Variants in GATB observed in about 807,000 individuals in gnomAD.
The protein encoded by GATB is glutamyl-tRNA(Gln) amidotransferase subunit B, mitochondrial.
GATB carries 39 observed loss-of-function variants against 62.3 expected under a neutral mutation model. The ratio of observed to expected loss-of-function variants is 0.63; its 90% CI spans 0.48 to 0.82. The LOEUF (loss-of-function observed/expected upper bound fraction) is 0.82, where lower values mean the gene tolerates loss of function less well. GATB is among the 40% of genes least tolerant of loss of function. The pLI, the probability that GATB is intolerant of heterozygous loss-of-function variation, is 0.00. For missense variants in GATB, 670 were observed against 684.0 expected (o/e 0.98, Z 0.23); for synonymous variants, 276 against 258.9 (o/e 1.07, Z -0.63).
intron 5 of GATB, among the ~76,000 whole-genome samples, 154 bp downstream of exon 5, chr4:151,715,852 AAAC>A (rs565097850): frequency 4.6e-5 from 7 of 152,306 alleles, no homozygotes; most frequent in Non-Finnish European, 7.4e-5. Context: ...ACAAACAAAC[AAAC>A]AACAACAACA....
chr4:151,702,929 A>G (rs1031019626), intron 8 of GATB, among the ~76,000 whole-genome samples: 2 of 152,174 alleles, frequency 1.3e-5, no homozygotes, highest in African/African-American at 4.8e-5. Flanking sequence ...GAGGAAACCC[A>G]GGGGAAGCTT....
At chr4:151,671,955 A>G (rs992770769) in intron 12 of GATB, among the ~76,000 whole-genome samples, 1 of 152,206 alleles carries the variant, frequency 6.6e-6, no homozygotes, top group Non-Finnish European at 1.5e-5. Flanking sequence ...CAAGTGCCAC[A>G]GAACAAGCCT....
In GATB at chr4:151,705,266, T is replaced by C. The variant is rs79384184; in HGVS notation, c.881A>G (p.Tyr294Cys). Reference protein sequence around the residue: ...SIRFLAKAIDYEIQRQINELE... With the variant: ...SIRFLAKAIDCEIQRQINELE... ...TTCATTGATTTGCCTCTGAATTTCATAGTCTAGGAAAAACACACTAATTTA... is the reference window on the plus strand; with the variant it reads ...TTCATTGATTTGCCTCTGAATTTCACAGTCTAGGAAAAACACACTAATTTA... The change falls in exon 7 of 13, where the codon TAT becomes TGT. Residue 294 changes from tyrosine to cysteine, a missense_variant. Transcript: ENST00000263985. The C allele has an allele frequency of 5.7e-4, 914 of 1,603,938 alleles. 6 individuals are homozygous for C. In the African/African-American group the frequency reaches 0.011, roughly 19 times the overall value.
chr4:151,686,670 A>C (rs1362249781), intron 10 of GATB, among the ~76,000 whole-genome samples: 1 of 4,374 alleles, frequency 2.3e-4, no homozygotes, highest in Non-Finnish European at 4.6e-4. Flanking sequence ...CCCACCCCCC[A>C]GTTTCCTGGT....
chr4:151,749,400 T>C (rs2126997511), intron 2 of GATB, among the ~76,000 whole-genome samples: 1 of 151,178 alleles, frequency 6.6e-6, no homozygotes, highest in African/African-American at 2.4e-5. Context: ...CTCAGCAAAC[T>C]ATCGCAAGGA....
intron 2 of GATB, 144 bp downstream of exon 2, chr4:151,758,628 T>C (rs1739883214): frequency 1.6e-6 from 1 of 635,578 alleles, no homozygotes; most frequent in Non-Finnish European, 2.5e-6. Context: ...TCAGAAAACA[T>C]TTAATATATC....
At chr4:151,681,164 CG>C (rs1385610226) in intron 10 of GATB, among the ~76,000 whole-genome samples, 2 of 152,182 alleles carry the variant, frequency 1.3e-5, no homozygotes, top group African/African-American at 4.8e-5. Context: ...GCCGATTTCC[CG>C]GGCTCTAAAC....
At chr4:151,683,351 C>T (rs1333447053) in intron 10 of GATB, among the ~76,000 whole-genome samples, 1 of 152,192 alleles carries the variant, frequency 6.6e-6, no homozygotes, top group Non-Finnish European at 1.5e-5. Context: ...CCCGCTGCAC[C>T]CTGACTCCTG....
At chr4:151,741,903 T>C (rs1739495613) in intron 2 of GATB, among the ~76,000 whole-genome samples, 2 of 152,192 alleles carry the variant, frequency 1.3e-5, no homozygotes, top group South Asian at 4.1e-4. Flanking sequence ...TTAAAGGCAA[T>C]AAGTGAGAGA....
At chr4:151,683,805 G>A (rs529924448) in intron 10 of GATB, among the ~76,000 whole-genome samples, 26 of 152,178 alleles carry the variant, frequency 1.7e-4, no homozygotes, top group Non-Finnish European at 3.1e-4. Context: ...AGCCAAACTT[G>A]TCTTCCTCAC....
At chr4:151,740,760 C>T (rs1029988149) in intron 2 of GATB, among the ~76,000 whole-genome samples, 6 of 152,148 alleles carry the variant, frequency 3.9e-5, no homozygotes, top group Admixed American at 2.6e-4. Flanking sequence ...TTGTTAAGTT[C>T]GGGAACTGTC....
chr4:151,680,032 G>A (rs1227892842), intron 10 of GATB, 141 bp from the exon 11 acceptor site: 1 of 654,398 alleles, frequency 1.5e-6, no homozygotes, highest in Non-Finnish European at 2.7e-6. Flanking sequence ...CAGGCCAACT[G>A]GGCTCTCTTT....
intron 2 of GATB, among the ~76,000 whole-genome samples, chr4:151,743,834 T>G (rs1739543937): frequency 6.6e-6 from 1 of 152,254 alleles, no homozygotes; most frequent in Non-Finnish European, 1.5e-5. Context: ...AGCTTTGTTC[T>G]TATTTATATT....
intron 6 of GATB, among the ~76,000 whole-genome samples, chr4:151,705,755 T>A (rs1358161197): frequency 6.6e-6 from 1 of 152,130 alleles, no homozygotes; most frequent in Non-Finnish European, 1.5e-5. Context: ...ATGATTAAGA[T>A]CCAAGGACCC....
chr4:151,725,839 A>G (rs35366415), intron 2 of GATB, among the ~76,000 whole-genome samples: 9,015 of 152,308 alleles, frequency 0.059, 377 homozygotes, highest in Middle Eastern at 0.085. Flanking sequence ...TGTCTTTCTA[A>G]ATAGTCCTCA....
chr4:151,679,983 G>T, intron 10 of GATB, 92 bp from the exon 11 acceptor site: 2 of 1,153,150 alleles, frequency 1.7e-6, no homozygotes, highest in South Asian at 1.2e-5. Context: ...TTGCTCTAGT[G>T]GGGGTAAATA....
chr4:151,728,171 C>T (rs1228114156), intron 2 of GATB, among the ~76,000 whole-genome samples: 1 of 152,094 alleles, frequency 6.6e-6, no homozygotes, highest in Non-Finnish European at 1.5e-5. Flanking sequence ...CCTTGTATGC[C>T]TTCCCATGGC....
At chr4:151,679,713 C>T in intron 11 of GATB, 100 bp downstream of exon 11, 1 of 969,420 alleles carries the variant, frequency 1.0e-6, no homozygotes, top group Non-Finnish European at 1.7e-6. Context: ...GCATTTAATA[C>T]TTCCATGATG....
chr4:151,694,317 C>A (rs958319547), intron 9 of GATB, among the ~76,000 whole-genome samples: 1 of 152,158 alleles, frequency 6.6e-6, no homozygotes, highest in African/African-American at 2.4e-5. Context: ...GGACTTTACT[C>A]CTCCCTGCAC....
Sources: allele counts gnomAD v4.1 joint callset (sites outside exome capture counted in the v4.1 genomes callset), GRCh38; gene constraint gnomAD v4.1.1; transcripts MANE v1.5; gene names NCBI Gene and HGNC (gene_info 2026-07-23, HGNC 2026-07-21).